Variants in INO80D observed in about 807,000 individuals in gnomAD.
INO80D encodes INO80 complex subunit D.
Under a neutral mutation model 87.6 loss-of-function variants are expected in INO80D, and 21 were observed. The ratio of observed to expected loss-of-function variants is 0.24; its 90% CI spans 0.17 to 0.35. The LOEUF is 0.35. INO80D is among the 10% of genes least tolerant of loss of function. INO80D has a pLI of 1.00. For missense variants in INO80D, 982 were observed against 1,280.7 expected (o/e 0.77, Z 3.56); for synonymous variants, 440 against 491.0 (o/e 0.90, Z 1.37).
rs918196229 is a variant in INO80D, at chr2:206,001,150, G to C, written c.*3218C>G. 3.3e-5 allele frequency: 5 copies of C among 152,008 alleles called. No homozygotes were observed. The highest frequency in any genetic ancestry group is 5.9e-5 in the Non-Finnish European group (4 of 67,992). 9.4% of individuals were successfully genotyped at this position (152,008 alleles called of 1,614,324 possible). ...TGCAAATTGCTAAGCCATTTTTACA[G>C]AAGAAAAAACAATGTCTTAAGTACT... On this transcript the variant is annotated 3_prime_UTR_variant, in exon 11 of 11. Transcript: ENST00000403263.
chr2:206,006,694 A>G (rs1057169439), intron 10 of INO80D, among the ~76,000 whole-genome samples: 1 of 151,948 alleles, frequency 6.6e-6, no homozygotes, highest in Non-Finnish European at 1.5e-5. Context: ...AAAAAAAAAA[A>G]AAAAAGTCAT....
At chr2:206,045,953 T>G (rs1689182744) in intron 5 of INO80D, among the ~76,000 whole-genome samples, 1 of 152,172 alleles carries the variant, frequency 6.6e-6, no homozygotes, top group African/African-American at 2.4e-5. Flanking sequence ...TCAATTAATC[T>G]CTAAGGTTCT....
chr2:206,043,628 C>A (rs2105860331), intron 5 of INO80D, among the ~76,000 whole-genome samples: 1 of 152,226 alleles, frequency 6.6e-6, no homozygotes, highest in East Asian at 1.9e-4. Flanking sequence ...GCTGGGACTA[C>A]AGGCACCCGC....
intron 6 of INO80D, among the ~76,000 whole-genome samples, chr2:206,026,670 TTA>T (rs1044905616): frequency 8.7e-5 from 13 of 149,430 alleles, no homozygotes; most frequent in Non-Finnish European, 1.8e-4. Flanking sequence ...AACAGATATT[TTA>T]TATTTATATA....
intron 4 of INO80D, among the ~76,000 whole-genome samples, chr2:206,053,707 TAATC>T (rs1466613531): frequency 6.6e-6 from 1 of 152,214 alleles, no homozygotes; most frequent in African/African-American, 2.4e-5. Context: ...GCCATATACT[TAATC>T]AATAAATATA....
rs1193525556 is a variant in INO80D, at chr2:205,994,507, CTAGTTGTTAG to C, written c.*9851_*9860del. 1 of 152,170 alleles carries C rather than the reference CTAGTTGTTAG, an allele frequency of 6.6e-6. No individual in the cohort carries two copies. The highest frequency in any genetic ancestry group is 2.4e-5 in the African/African-American group (1 of 41,454). The allele number at this position is 152,170 out of a possible 1,614,324, so 9.4% of individuals were successfully genotyped here. A position where few individuals can be genotyped will look rare whatever the true frequency, so the allele number is the denominator to read the frequency against. Reference sequence around the variant, plus strand: ...TGGTTTCAACTTACACTTCAGTACTCTAGTTGTTAGTACCATACAATTGCCAAGAGGCTTT... The same window carrying C: ...TGGTTTCAACTTACACTTCAGTACTCTACCATACAATTGCCAAGAGGCTTT... On this transcript the variant is annotated 3_prime_UTR_variant, in exon 11 of 11. Coordinates refer to ENST00000403263, the MANE Select transcript of INO80D (RefSeq NM_017759.5).
chr2:206,079,828 T>C (rs1472522221), intron 1 of INO80D, among the ~76,000 whole-genome samples: 8 of 152,174 alleles, frequency 5.3e-5, no homozygotes, highest in Non-Finnish European at 1.2e-4. Context: ...CCTCTCACTA[T>C]TTATTCCCCT....
intron 1 of INO80D, among the ~76,000 whole-genome samples, chr2:206,076,052 A>C (rs1373994362): frequency 2.9e-5 from 2 of 68,044 alleles, no homozygotes; most frequent in Admixed American, 1.8e-4. Context: ...ACTCCCTCTC[A>C]AAAAAAAAAA....
chr2:206,009,503 A>C, intron 9 of INO80D, 74 bp downstream of exon 9: 2 of 1,267,856 alleles, frequency 1.6e-6, no homozygotes, highest in Non-Finnish European at 2.2e-6. Flanking sequence ...CTTTACAATA[A>C]CCACATGAAG....
At chr2:206,081,396 T>C (rs1286787637) in intron 1 of INO80D, among the ~76,000 whole-genome samples, 1 of 152,340 alleles carries the variant, frequency 6.6e-6, no homozygotes, top group East Asian at 1.9e-4. Context: ...TATAGTACAG[T>C]ATTACTTTCA....
Position 205,996,973 on chromosome 2 carries a change from T to C in INO80D, c.*7395A>G, listed in dbSNP as rs1440709501. 1 of 152,034 alleles carries C rather than the reference T, an allele frequency of 6.6e-6. No homozygotes were observed. The highest frequency in any genetic ancestry group is 1.5e-5 in the Non-Finnish European group (1 of 67,976). 9.4% of individuals were successfully genotyped at this position (152,034 alleles called of 1,614,324 possible). A position where few individuals can be genotyped will look rare whatever the true frequency, so the allele number is the denominator to read the frequency against. On this transcript the variant is annotated 3_prime_UTR_variant, in exon 11 of 11. Transcript: ENST00000403263. ...CCAGGAGATGCTGCAAAAATACAAC[T>C]GTAGAAAAGAACAGCATATAGAGCT...
chr2:206,041,400 C>T (rs1447809112), intron 5 of INO80D, among the ~76,000 whole-genome samples: 1 of 152,084 alleles, frequency 6.6e-6, no homozygotes, highest in African/African-American at 2.4e-5. Flanking sequence ...ATCAAAAGAA[C>T]GATGGAGTGG....
chr2:206,077,626 G>A (rs1418772745), intron 1 of INO80D, among the ~76,000 whole-genome samples: 2 of 152,118 alleles, frequency 1.3e-5, no homozygotes, highest in Admixed American at 6.5e-5. Context: ...CACAACAAAT[G>A]CTTTCTAAGT....
chr2:206,052,707 A>C (rs192687540), intron 4 of INO80D, among the ~76,000 whole-genome samples: 1 of 151,956 alleles, frequency 6.6e-6, no homozygotes, highest in East Asian at 1.9e-4. Context: ...TGGGAGGATC[A>C]CTTGAGCCCA....
intron 10 of INO80D, among the ~76,000 whole-genome samples, chr2:206,006,654 G>C (rs1688032975): frequency 6.7e-6 from 1 of 148,278 alleles, no homozygotes; most frequent in Non-Finnish European, 1.5e-5. Context: ...CTACATTCCA[G>C]TCTGAGCGAC....
At chr2:206,079,433 C>G (rs913971159) in intron 1 of INO80D, among the ~76,000 whole-genome samples, 2 of 152,100 alleles carry the variant, frequency 1.3e-5, no homozygotes, top group Non-Finnish European at 2.9e-5. Context: ...GGAGAAGTGT[C>G]CAAGACTAAG....
intron 5 of INO80D, chr2:206,040,994 T>C (rs143437308): frequency 1.3e-5 from 2 of 153,868 alleles, no homozygotes; most frequent in East Asian, 1.9e-4. Context: ...GACACTGTTA[T>C]ACGTTCTTAT....
Position 206,014,248 on chromosome 2 carries a change from T to C in INO80D, c.1542+3432A>G, listed in dbSNP as rs973483436. Among the ~76,000 whole-genome samples, 5 of 152,104 alleles carry C rather than the reference T, an allele frequency of 3.3e-5. No homozygotes were observed. The East Asian group carries it at 7.7e-4, about 23-fold the overall frequency. ...CAACATTTGTAATATGTAATTGTAATATGTAGTTTAGTATACAAATTTTTC... is the reference window on the plus strand; with the variant it reads ...CAACATTTGTAATATGTAATTGTAACATGTAGTTTAGTATACAAATTTTTC... On this transcript the variant is annotated intron_variant, in intron 8 of 10. Transcript: ENST00000403263.
intron 3 of INO80D, among the ~76,000 whole-genome samples, chr2:206,059,851 G>A (rs779391255): frequency 6.6e-6 from 1 of 152,128 alleles, no homozygotes; most frequent in Non-Finnish European, 1.5e-5. Context: ...AAAGAAAGAG[G>A]CGTCTGGGAT....
Sources: gnomAD v4.1 joint callset for allele counts (sites outside exome capture counted in the v4.1 genomes callset) on GRCh38, gnomAD v4.1.1 for gene constraint, MANE v1.5 for transcripts, NCBI Gene and HGNC (gene_info 2026-07-23, HGNC 2026-07-21) for gene names.